The following SOX5 variants were observed in gnomAD, a reference collection of about 807,000 sequenced individuals.
The protein encoded by SOX5 is transcription factor SOX-5.
A neutral mutation model predicts 92.0 loss-of-function variants in SOX5; 9 were observed. The observed-to-expected ratio is 0.10, with a 90% CI of 0.06 to 0.17. SOX5 has a LOEUF of 0.17. SOX5 is among the 10% of genes least tolerant of loss of function. SOX5 has a pLI of 1.00. For synonymous variants in SOX5, 344 were observed against 336.3 expected (o/e 1.02, Z -0.25); for missense variants, 642 against 944.5 (o/e 0.68, Z 4.20).
intron 4 of SOX5, among the ~76,000 whole-genome samples, chr12:24,194,454 T>G (rs918672350): frequency 6.6e-6 from 1 of 151,036 alleles, no homozygotes; most frequent in Non-Finnish European, 1.5e-5. Context: ...GGTAGGTAGG[T>G]AGAGAGATAT....
At chr12:24,195,596 A>G (rs1956935737) in intron 4 of SOX5, among the ~76,000 whole-genome samples, 1 of 152,204 alleles carries the variant, frequency 6.6e-6, no homozygotes, top group South Asian at 2.1e-4. Flanking sequence ...AGAATTTTAT[A>G]AGTTATAAAT....
intron 6 of SOX5, among the ~76,000 whole-genome samples, chr12:23,731,082 G>T (rs1384957866): frequency 3.3e-5 from 5 of 152,204 alleles, no homozygotes; most frequent in African/African-American, 1.2e-4. Flanking sequence ...GATCTATCTG[G>T]TGGGACTGGG....
chr12:23,949,731 C>CTCTCTCTCT, upstream of SOX5: 1 of 749,480 alleles, frequency 1.3e-6, no homozygotes, highest in South Asian at 1.7e-5. Flanking sequence ...TCCCTCCCTC[C>CTCTCTCTCT]CTCTCTCTCT....
chr12:23,815,189 C>T (rs2095964561), intron 3 of SOX5, among the ~76,000 whole-genome samples: 1 of 152,206 alleles, frequency 6.6e-6, no homozygotes, highest in Non-Finnish European at 1.5e-5. Context: ...CAGCAATTTC[C>T]TCCATCTAGC....
intron 2 of SOX5, among the ~76,000 whole-genome samples, chr12:24,336,184 T>C (rs1951873012): frequency 6.6e-6 from 1 of 151,640 alleles, no homozygotes; most frequent in Non-Finnish European, 1.5e-5. Context: ...AAACTCCATC[T>C]CCCAGGTTCA....
chr12:23,887,040 T>C (rs544982885), intron 2 of SOX5, among the ~76,000 whole-genome samples: 8 of 152,156 alleles, frequency 5.3e-5, no homozygotes, highest in Admixed American at 2.0e-4. Flanking sequence ...TCAGAATAAA[T>C]TGAAGAAATA....
chr12:23,940,840 T>C (rs1311819332), intron 1 of SOX5, among the ~76,000 whole-genome samples: 1 of 150,828 alleles, frequency 6.6e-6, no homozygotes, highest in Admixed American at 6.6e-5. Context: ...TTTCATATTA[T>C]CTCAACCTAA....
At chr12:24,033,597 A>G (rs576840192) in intron 4 of SOX5, among the ~76,000 whole-genome samples, 54 of 152,184 alleles carry the variant, frequency 3.5e-4, no homozygotes, top group African/African-American at 1.3e-3. Flanking sequence ...AAAGCAATCT[A>G]CATCTACTGA....
intron 3 of SOX5, among the ~76,000 whole-genome samples, chr12:24,268,882 T>G (rs1943346892): frequency 2.6e-5 from 4 of 152,178 alleles, no homozygotes; most frequent in Admixed American, 1.3e-4. Flanking sequence ...TTCAGTCATA[T>G]TCAGTATTTT....
At chr12:23,976,390 T>TAAA (rs1327142180) in intron 4 of SOX5, among the ~76,000 whole-genome samples, 11 of 111,576 alleles carry the variant, frequency 9.9e-5, no homozygotes, top group African/African-American at 2.2e-4. Context: ...TGAACACTAT[T>TAAA]AAAAAAACAA....
rs1231244623 is a variant in SOX5, at chr12:24,148,935, A to T, written c.-2+64408T>A. The stretch of plus-strand genomic sequence containing the variant: ...AATAAAAAATTTAATCCACAGATAT[A>T]TTGAAAACTGGTTTTTGATGAAGGT... On this transcript the variant is annotated intron_variant, in intron 4 of 4. Transcript: ENST00000446891. Among the ~76,000 whole-genome samples the T allele has an allele frequency of 2.0e-5, 3 of 152,146 alleles. No homozygotes were observed. In the East Asian group the frequency reaches 5.8e-4, roughly 29 times the overall value.
intron 3 of SOX5, among the ~76,000 whole-genome samples, chr12:23,793,372 T>C (rs1032853040): frequency 6.6e-6 from 1 of 152,172 alleles, no homozygotes; most frequent in African/African-American, 2.4e-5. Flanking sequence ...TAGCCAAAAG[T>C]AGCTTATAAA....
At chr12:23,680,856 T>C (rs1272669079) in intron 6 of SOX5, among the ~76,000 whole-genome samples, 1 of 151,970 alleles carries the variant, frequency 6.6e-6, no homozygotes, top group Non-Finnish European at 1.5e-5. Context: ...GACAAAAATA[T>C]GTTTCCAGTA....
At chr12:24,476,350 A>C (rs4396373) in intron 1 of SOX5, among the ~76,000 whole-genome samples, 40,188 of 152,036 alleles carry the variant, frequency 0.26, 6,427 homozygotes, top group East Asian at 0.71. Flanking sequence ...TAGAAATGTG[A>C]AGGAAAAACT....
intron 4 of SOX5, among the ~76,000 whole-genome samples, chr12:24,065,270 G>A (rs1372960195): frequency 6.6e-6 from 1 of 152,100 alleles, no homozygotes; most frequent in Non-Finnish European, 1.5e-5. Flanking sequence ...AAAGATGAGG[G>A]AAAATTGCAG....
chr12:23,552,063 A>G (rs2136169525), intron 11 of SOX5, among the ~76,000 whole-genome samples: 1 of 152,080 alleles, frequency 6.6e-6, no homozygotes, highest in South Asian at 2.1e-4. Flanking sequence ...TAACTTTTCA[A>G]TATATGAAAA....
Position 24,393,949 on chromosome 12 carries a change from T to C in SOX5, c.-250-25310A>G, listed in dbSNP as rs186447598. 6.6e-6 allele frequency among the ~76,000 whole-genome samples: 1 copy of C among 152,310 alleles called. No homozygotes were observed. The highest frequency in any genetic ancestry group is 6.5e-5 in the Admixed American group (1 of 15,296). ...ATGGCAAAATATTCTTAAAATACCC[T>C]GCGTGGGGAAAAATAAAACCGTGAG... is the stretch of plus-strand genomic sequence containing the variant. On this transcript the variant is annotated intron_variant, in intron 1 of 4. Coordinates refer to the SOX5 transcript ENST00000446891. This position sits in a 1 kb window ranked among gnomAD's most constrained non-coding sequence, Gnocchi z 5.0.
chr12:23,940,882 A>C (rs1943507686), intron 1 of SOX5, among the ~76,000 whole-genome samples: 1 of 151,348 alleles, frequency 6.6e-6, no homozygotes, highest in Non-Finnish European at 1.5e-5. Context: ...TTACTCAAGC[A>C]TACCTTGATT....
At chr12:23,943,907 A>T (rs1430541974) in intron 1 of SOX5, among the ~76,000 whole-genome samples, 4 of 152,114 alleles carry the variant, frequency 2.6e-5, no homozygotes, top group Non-Finnish European at 5.9e-5. Flanking sequence ...ATGACCGGAA[A>T]ATGATACAAA....
Sources: allele counts gnomAD v4.1 joint callset (sites outside exome capture counted in the v4.1 genomes callset), GRCh38; gene constraint gnomAD v4.1.1; non-coding constraint Gnocchi (gnomAD v3.1); transcripts MANE v1.5; gene names NCBI Gene and HGNC (gene_info 2026-07-23, HGNC 2026-07-21).